The following CNTN3 variants were observed in gnomAD, a reference collection of about 807,000 sequenced individuals.
CNTN3 encodes the protein contactin 3, also known as contactin-3.
CNTN3 carries 60 observed loss-of-function variants against 119.1 expected under a neutral mutation model. That is an observed-to-expected ratio of 0.50 (90% CI 0.41 to 0.62). The LOEUF is 0.62. Ranked by LOEUF, CNTN3 falls within the 20% of genes least tolerant of loss-of-function variation. CNTN3 has a pLI of 0.00. For synonymous variants in CNTN3, 450 were observed against 438.7 expected (o/e 1.03, Z -0.32); for missense variants, 1,101 against 1,242.4 (o/e 0.89, Z 1.71).
chr3:74,522,502 C>G (rs568555382), intron 1 of CNTN3, among the ~76,000 whole-genome samples: 2 of 151,926 alleles, frequency 1.3e-5, no homozygotes, highest in Middle Eastern at 3.4e-3. Context: ...AATTCAAGTG[C>G]AAGTAATTTA....
chr3:74,449,419 T>G (rs989768709), intron 4 of CNTN3, among the ~76,000 whole-genome samples: 1 of 151,946 alleles, frequency 6.6e-6, no homozygotes, highest in Non-Finnish European at 1.5e-5. Flanking sequence ...AAAATGGCAA[T>G]TGTTTTTGAT....
chr3:74,336,466 T>C (rs1703398888), intron 12 of CNTN3, 65 bp downstream of exon 12: 1 of 1,534,236 alleles, frequency 6.5e-7, no homozygotes, highest in Non-Finnish European at 9.0e-7. Context: ...CATAGTTACT[T>C]TCCTCATAAT....
intron 4 of CNTN3, among the ~76,000 whole-genome samples, chr3:74,439,054 T>C (rs1701917246): frequency 6.6e-6 from 1 of 152,166 alleles, no homozygotes; most frequent in Non-Finnish European, 1.5e-5. Context: ...AGTACCCTTC[T>C]TATATAAAAA....
At chr3:74,333,999 T>C (rs553453366) in intron 13 of CNTN3, among the ~76,000 whole-genome samples, 3 of 152,238 alleles carry the variant, frequency 2.0e-5, no homozygotes, top group East Asian at 3.9e-4. Context: ...CAATTCCAGA[T>C]TCATAAACAT....
intron 8 of CNTN3, among the ~76,000 whole-genome samples, chr3:74,367,490 T>A (rs149898166): frequency 5.6e-4 from 85 of 152,208 alleles, no homozygotes; most frequent in Admixed American, 3.7e-3. Flanking sequence ...TAATTTCTCC[T>A]TGCCACTGAT....
intron 5 of CNTN3, among the ~76,000 whole-genome samples, chr3:74,390,040 G>A (rs182665202): frequency 5.3e-5 from 8 of 152,096 alleles, no homozygotes; most frequent in Non-Finnish European, 1.0e-4. Context: ...TAAACTGACC[G>A]CCCATTCAGA....
At chr3:74,582,903 T>C (rs1704537282) in intron 1 of CNTN3, among the ~76,000 whole-genome samples, 1 of 152,120 alleles carries the variant, frequency 6.6e-6, no homozygotes, top group Admixed American at 6.5e-5. Flanking sequence ...CAAATGCTTA[T>C]ATAATCCATA....
intron 3 of CNTN3, among the ~76,000 whole-genome samples, chr3:74,488,287 GTAT>G (rs1258575282): frequency 6.6e-6 from 1 of 151,714 alleles, no homozygotes; most frequent in African/African-American, 2.4e-5. Flanking sequence ...TAATTTTTTT[GTAT>G]TTTTAGTAGA....
At chr3:74,335,019 T>C (rs1206341967) in intron 12 of CNTN3, 109 bp from the exon 13 acceptor site, 5 of 622,774 alleles carry the variant, frequency 8.0e-6, no homozygotes, top group African/African-American at 3.7e-5. Flanking sequence ...TAGATGCATA[T>C]ACATAAATAT....
At chr3:74,462,646 T>C (rs1425960230) in intron 4 of CNTN3, among the ~76,000 whole-genome samples, 1 of 152,092 alleles carries the variant, frequency 6.6e-6, no homozygotes, top group Non-Finnish European at 1.5e-5. Context: ...ACTTCCTCCA[T>C]AATATATTGA....
intron 5 of CNTN3, among the ~76,000 whole-genome samples, chr3:74,388,314 AG>A (rs1458084992): frequency 6.6e-6 from 1 of 152,198 alleles, no homozygotes; most frequent in Non-Finnish European, 1.5e-5. Context: ...GAGTATATAA[AG>A]TATCCCCAGA....
chr3:74,551,652 C>T (rs1054849203), intron 1 of CNTN3, among the ~76,000 whole-genome samples: 1 of 151,742 alleles, frequency 6.6e-6, no homozygotes, highest in Admixed American at 6.6e-5. Flanking sequence ...TAACCCTTGG[C>T]AACTATTAAT....
chr3:74,596,236 A>ATGG (rs1343408430), intron 1 of CNTN3, among the ~76,000 whole-genome samples: 2,495 of 152,212 alleles, frequency 0.016, 69 homozygotes, highest in African/African-American at 0.057. Context: ...AGGAAGAATC[A>ATGG]ATATCGTGAA....
intron 4 of CNTN3, among the ~76,000 whole-genome samples, chr3:74,455,949 G>T (rs977275395): frequency 4.6e-5 from 7 of 152,100 alleles, no homozygotes; most frequent in African/African-American, 1.7e-4. Flanking sequence ...GATGCTGCTA[G>T]TCTGGAGAAC....
At chr3:74,462,857 T>C (rs553287677) in intron 4 of CNTN3, among the ~76,000 whole-genome samples, 1 of 152,280 alleles carries the variant, frequency 6.6e-6, no homozygotes, top group South Asian at 2.1e-4. Context: ...GACCTACATG[T>C]TTTTGAAATG....
rs558343312 is a variant in CNTN3, at chr3:74,499,094, T to C, written c.182+565A>G. On this transcript the variant is annotated intron_variant, in intron 3 of 22. Transcript: ENST00000263665. ...TCTTTTTTCCTTATACTTTGCATGA[T>C]ATTTGAAAGTTTTCAGTGAAGAGCA... 5.9e-3 allele frequency among the ~76,000 whole-genome samples: 892 copies of C among 151,480 alleles called. 9 individuals are homozygous for C. Among genetic ancestry groups the C allele is most frequent in the African/African-American group, 0.019 (806 of 41,350 alleles).
At chr3:74,294,232 T>C (rs1054125646) in intron 19 of CNTN3, among the ~76,000 whole-genome samples, 2 of 152,164 alleles carry the variant, frequency 1.3e-5, no homozygotes, top group African/African-American at 2.4e-5. Flanking sequence ...CACAATGTCA[T>C]TGCTGGCAAA....
chr3:74,575,093 T>G (rs1704393223), intron 1 of CNTN3, among the ~76,000 whole-genome samples: 1 of 152,050 alleles, frequency 6.6e-6, no homozygotes, highest in Admixed American at 6.6e-5. Context: ...CTCATTTATT[T>G]CTTTTTATTT....
intron 1 of CNTN3, among the ~76,000 whole-genome samples, chr3:74,598,681 T>A (rs1202144742): frequency 3.3e-5 from 5 of 151,966 alleles, no homozygotes; most frequent in African/African-American, 7.2e-5. Flanking sequence ...AAAAAATCAA[T>A]GAAAAATACT....
Sources: gnomAD v4.1 joint callset for allele counts (sites outside exome capture counted in the v4.1 genomes callset) on GRCh38, gnomAD v4.1.1 for gene constraint, MANE v1.5 for transcripts, NCBI Gene and HGNC (gene_info 2026-07-23, HGNC 2026-07-21) for gene names.